GID4: variants seen among roughly 807,000 people sequenced by gnomAD.
The protein encoded by GID4 is GID complex subunit 4 homolog, also known as glucose-induced degradation protein 4 homolog.
A neutral mutation model predicts 32.4 loss-of-function variants in GID4; 7 were observed. The observed-to-expected ratio is 0.22, with a 90% CI of 0.12 to 0.41. The LOEUF (loss-of-function observed/expected upper bound fraction) is 0.41, where lower values mean the gene tolerates loss of function less well. Ranked by LOEUF, GID4 falls within the 10% of genes least tolerant of loss-of-function variation. The pLI is 1.00. For missense variants in GID4, 309 were observed against 400.0 expected (o/e 0.77, Z 1.94); for synonymous variants, 166 against 170.0 (o/e 0.98, Z 0.18).
At chr17:18,062,424 C>T (rs1000216411) in intron 5 of GID4, among the ~76,000 whole-genome samples, 1 of 152,100 alleles carries the variant, frequency 6.6e-6, no homozygotes, top group Non-Finnish European at 1.5e-5. Context: ...GACCTGGGGG[C>T]CTGTGAGTGG....
intron 2 of GID4, among the ~76,000 whole-genome samples, chr17:18,048,268 T>G (rs938962645): frequency 2.6e-5 from 4 of 151,766 alleles, no homozygotes; most frequent in African/African-American, 9.7e-5. Flanking sequence ...TGATCTCACC[T>G]TACCACAACC....
Position 18,039,475 on chromosome 17 carries a change from G to A in GID4, c.11G>A (p.Arg4Gln), listed in dbSNP as rs889280811. Residue 4 changes from arginine to glutamine, a missense_variant, in exon 1 of 6, where the codon CGA becomes CAA. Physicochemically the swap from Arg to Gln is conservative, Grantham distance 43 (BLOSUM62 1). Transcript: ENST00000268719. The surrounding 1 kb of genome is among the most constrained non-coding windows in gnomAD (Gnocchi z 5.3). The stretch of plus-strand genomic sequence containing the variant: ...TGTCTGTGTGTGTGTATGTGTGCGC[G>A]AGGGCAAGTCGGGAGGGGGACCCAG... MCA[R>Q]GQVGRGTQLR... is the part of the protein sequence containing the mutation. The A allele has an allele frequency of 7.5e-7, 1 of 1,338,758 alleles. No homozygotes were observed. Among genetic ancestry groups the A allele is most frequent in the South Asian group, 2.1e-5 (1 of 48,126 alleles). The allele number at this position is 1,338,758 out of a possible 1,614,324, so 82.9% of individuals were successfully genotyped here. A position where few individuals can be genotyped will look rare whatever the true frequency, so the allele number is the denominator to read the frequency against.
At position 18,054,601 on chromosome 17, in the gene GID4, G is replaced by C. The variant is rs373521902; in HGVS notation, c.606+367G>C. Among the ~76,000 whole-genome samples, 41 of 152,220 alleles carry C rather than the reference G, an allele frequency of 2.7e-4. No individual in the cohort carries two copies. The South Asian group carries it at 8.3e-3, about 31-fold the overall frequency. On this transcript the variant is annotated intron_variant, in intron 3 of 5. Transcript: ENST00000268719. ...GGGAAAACCCTGTGAAACATGCAATGATGACCTCCGGCTTCGGGGCTGGCA... is the reference window on the plus strand; with the variant it reads ...GGGAAAACCCTGTGAAACATGCAATCATGACCTCCGGCTTCGGGGCTGGCA...
chr17:18,056,773 TAAG>T, intron 3 of GID4: 7 of 1,550,600 alleles, frequency 4.5e-6, no homozygotes, highest in Non-Finnish European at 6.1e-6. Context: ...AGAGAGGAAC[TAAG>T]AAGGCCACCC....
Position 18,054,083 on chromosome 17 carries a change from C to T in GID4, c.499-44C>T, listed in dbSNP as rs764877983. ...TTTTCCTTTGTACAAAGGTTAAAAA[C>T]TCTCACTCAACATCTTATTTTGATA... is the stretch of plus-strand genomic sequence containing the variant. On this transcript the variant is annotated intron_variant, in intron 2 of 5. Transcript: ENST00000268719. 5 of 1,084,402 alleles carry T rather than the reference C, an allele frequency of 4.6e-6. No homozygotes were observed. The South Asian group carries it at 5.4e-5, about 12-fold the overall frequency. The allele number at this position is 1,084,402 out of a possible 1,614,324, so 67.2% of individuals were successfully genotyped here. A position where few individuals can be genotyped will look rare whatever the true frequency, so the allele number is the denominator to read the frequency against.
At chr17:18,057,004 G>A in intron 3 of GID4, 1 of 1,547,238 alleles carries the variant, frequency 6.5e-7, no homozygotes, top group Non-Finnish European at 8.7e-7. Context: ...CACCTAGGCT[G>A]TCATTTTTTC....
chr17:18,048,769 A>ATG (rs1244903817), intron 2 of GID4, among the ~76,000 whole-genome samples: 1 of 151,608 alleles, frequency 6.6e-6, no homozygotes. Context: ...CAGCCTCCCG[A>ATG]GTAGCTGGAA....
chr17:18,057,455 CTA>C (rs1211439693), intron 3 of GID4: 5 of 155,570 alleles, frequency 3.2e-5, no homozygotes, highest in African/African-American at 1.2e-4. Flanking sequence ...TAAAATAAAT[CTA>C]TGTGACAAAA....
intron 3 of GID4, chr17:18,057,256 ACC>A (rs2044978005): frequency 2.1e-6 from 1 of 467,680 alleles, no homozygotes; most frequent in South Asian, 2.4e-5. Context: ...ACATGGTGAA[ACC>A]CCATCTCTAC....
chr17:18,041,309 G>A (rs1378550222), intron 1 of GID4, among the ~76,000 whole-genome samples: 1 of 152,168 alleles, frequency 6.6e-6, no homozygotes, highest in Non-Finnish European at 1.5e-5. Flanking sequence ...CTGAAGAGTA[G>A]GTCTCCCATC....
chr17:18,046,585 C>T (rs2044854580), intron 2 of GID4, among the ~76,000 whole-genome samples: 1 of 151,324 alleles, frequency 6.6e-6, no homozygotes, highest in Non-Finnish European at 1.5e-5. Context: ...AGCCACTGCA[C>T]TCCAGCCTGG....
intron 2 of GID4, among the ~76,000 whole-genome samples, chr17:18,048,918 C>T (rs1375095381): frequency 6.6e-6 from 1 of 151,922 alleles, no homozygotes; most frequent in African/African-American, 2.4e-5. Flanking sequence ...GCTGGGACTA[C>T]AAGCATGAGC....
rs2045054598 is a variant in GID4 at position 18,065,594 on chromosome 17, G to A, written c.*351G>A. 1 of 327,458 alleles carries A rather than the reference G, an allele frequency of 3.1e-6. No homozygotes were observed. The highest frequency in any genetic ancestry group is 5.9e-6 in the Non-Finnish European group (1 of 168,628). The allele number at this position is 327,458 out of a possible 1,614,324, so 20.3% of individuals were successfully genotyped here. ...CAGCCGAATAGAAGGTCTGCTCCCG[G>A]ATCACCCTCAGCCTTGGTGCTCAGT... On this transcript the variant is annotated 3_prime_UTR_variant, in exon 6 of 6. Transcript: ENST00000268719.
rs762399154 is a variant in GID4 at position 18,039,656 on chromosome 17, CGCG to C, written c.203_205del (p.Ala68del). ...TCCCCGCCACCCTCCTCGGCTCCCG[CGCG>C]GCGGCGGCGGTTCCTCTCCCACTCC... On this transcript the variant is annotated inframe_deletion, in exon 1 of 6. Transcript: ENST00000268719. The surrounding 1 kb of genome is among the most constrained non-coding windows in gnomAD (Gnocchi z 5.3). 33 of 1,358,008 alleles carry C rather than the reference CGCG, an allele frequency of 2.4e-5. No homozygotes were observed. Among genetic ancestry groups the C allele is most frequent in the South Asian group, 1.1e-4 (6 of 54,506 alleles). The allele number at this position is 1,358,008 out of a possible 1,614,324, so 84.1% of individuals were successfully genotyped here. A position where few individuals can be genotyped will look rare whatever the true frequency, so the allele number is the denominator to read the frequency against.
Position 18,068,077 on chromosome 17 carries a change from CA to C in GID4, c.*2835del, listed in dbSNP as rs1223616638. ...TTTCAATGTCTTTTGCTTTCAGAAA[CA>C]GAGAATATAATATTCTCACTAAGGC... On this transcript the variant is annotated 3_prime_UTR_variant, in exon 6 of 6. Coordinates refer to ENST00000268719, the MANE Select transcript of GID4 (RefSeq NM_024052.5). 1 of 152,606 alleles carries C rather than the reference CA, an allele frequency of 6.6e-6. No homozygotes were observed. The highest frequency in any genetic ancestry group is 1.5e-5 in the Non-Finnish European group (1 of 68,040). 9.5% of individuals were successfully genotyped at this position (152,606 alleles called of 1,614,324 possible). A position where few individuals can be genotyped will look rare whatever the true frequency, so the allele number is the denominator to read the frequency against.
intron 4 of GID4, 86 bp downstream of exon 4, chr17:18,059,055 C>A: frequency 1.3e-6 from 1 of 749,826 alleles, no homozygotes. Context: ...CAAGGGCTCC[C>A]CATGTCCAGT....
intron 3 of GID4, chr17:18,057,008 T>A (rs1384687766): frequency 6.5e-7 from 1 of 1,546,964 alleles, no homozygotes; most frequent in Non-Finnish European, 8.7e-7. Context: ...TAGGCTGTCA[T>A]TTTTTCATTA....
In GID4 at chr17:18,067,355, A is replaced by G. The variant is rs1019607113; in HGVS notation, c.*2112A>G. 4 of 152,256 alleles carry G rather than the reference A, an allele frequency of 2.6e-5. No individual in the cohort carries two copies. Among genetic ancestry groups the G allele is most frequent in the Non-Finnish European group, 4.4e-5 (3 of 68,078 alleles). The allele number at this position is 152,256 out of a possible 1,614,324, so 9.4% of individuals were successfully genotyped here. On this transcript the variant is annotated 3_prime_UTR_variant, in exon 6 of 6. Coordinates refer to ENST00000268719, the MANE Select transcript of GID4 (RefSeq NM_024052.5). ...CCGAGTAGTGGTTTGAGTGGGCAGG[A>G]AGGGCCATTTGCAAACACTGCTGTG...
intron 2 of GID4, among the ~76,000 whole-genome samples, chr17:18,046,205 T>G (rs1240486749): frequency 1.3e-5 from 2 of 152,212 alleles, no homozygotes; most frequent in Non-Finnish European, 2.9e-5. Context: ...CTGTGCTGGA[T>G]GGGGCAGTGG....
Sources: allele counts gnomAD v4.1 joint callset (sites outside exome capture counted in the v4.1 genomes callset), GRCh38; gene constraint gnomAD v4.1.1; non-coding constraint Gnocchi (gnomAD v3.1); transcripts MANE v1.5; gene names NCBI Gene and HGNC (gene_info 2026-07-23, HGNC 2026-07-21).